TSPEAR: variants seen among roughly 807,000 people sequenced by gnomAD.
TSPEAR encodes thrombospondin type laminin G domain and EAR repeats, also known as thrombospondin-type laminin G domain and EAR repeat-containing protein.
TSPEAR carries 69 observed loss-of-function variants against 71.6 expected under a neutral mutation model. That is an observed-to-expected ratio of 0.96 (90% CI 0.79 to 1.18). The LOEUF (loss-of-function observed/expected upper bound fraction) is 1.18. TSPEAR is among the 50% of genes most tolerant of loss of function. TSPEAR has a pLI of 0.00. For synonymous variants in TSPEAR, 402 were observed against 387.2 expected, an observed-to-expected ratio of 1.04 and a Z score of -0.45; for missense variants, 971 against 894.9, an observed-to-expected ratio of 1.09 and a Z score of -1.09.
chr21:44,604,345 A>C (rs587663813), intron 1 of TSPEAR, among the ~76,000 whole-genome samples: 76 of 152,348 alleles, frequency 5.0e-4, no homozygotes, highest in African/African-American at 1.8e-3. Context: ...AAAACATAAA[A>C]AGAAACGAAT....
At chr21:44,544,937 A>G (rs2053277403) in intron 2 of TSPEAR, among the ~76,000 whole-genome samples, 1 of 152,170 alleles carries the variant, frequency 6.6e-6, no homozygotes, top group Non-Finnish European at 1.5e-5. Context: ...AAAGTATGTG[A>G]AACAAAAATG....
At position 44,621,714 on chromosome 21, in the gene TSPEAR, G is replaced by A. The variant is rs587636878; in HGVS notation, c.83-53709C>T. ...TATTATTTCTCTCCCAGTTGTTTGAGAATATTCAGCAGGGAAAGTATTTGG... is the reference window on the plus strand; with the variant it reads ...TATTATTTCTCTCCCAGTTGTTTGAAAATATTCAGCAGGGAAAGTATTTGG... On this transcript the variant is annotated intron_variant, in intron 1 of 11. Coordinates refer to ENST00000323084, the MANE Select transcript of TSPEAR (RefSeq NM_144991.3). Among the ~76,000 whole-genome samples the A allele has an allele frequency of 1.7e-4, 26 of 152,366 alleles. 1 individual carries two copies. Among genetic ancestry groups the A allele is most frequent in the Admixed American group, 5.2e-4 (8 of 15,310 alleles).
chr21:44,647,728 C>T (rs1394340457), intron 1 of TSPEAR: 1 of 307,598 alleles, frequency 3.3e-6, no homozygotes. Context: ...GACCCACTGT[C>T]TTGTTAAAGG....
In TSPEAR at chr21:44,697,523, G is replaced by A. The variant is rs782630666; in HGVS notation, c.82+13910C>T. ...CTGCCAGCAGGCCTGCTGCGTGCCCGTCTGCTGCAAGACTGTCTGCTGCAA... is the reference window on the plus strand; with the variant it reads ...CTGCCAGCAGGCCTGCTGCGTGCCCATCTGCTGCAAGACTGTCTGCTGCAA... On this transcript the variant is annotated intron_variant, in intron 1 of 11. Coordinates refer to ENST00000323084, the MANE Select transcript of TSPEAR (RefSeq NM_144991.3). 135 of 1,613,210 alleles carry A rather than the reference G, an allele frequency of 8.4e-5. No individual in the cohort carries two copies. Among genetic ancestry groups the A allele is most frequent in the Middle Eastern group, 1.6e-4 (1 of 6,082 alleles).
chr21:44,532,870 T>C (rs1406096641), intron 3 of TSPEAR, among the ~76,000 whole-genome samples: 1 of 152,216 alleles, frequency 6.6e-6, no homozygotes, highest in African/African-American at 2.4e-5. Context: ...GATAATCTTG[T>C]ACTCATTTGG....
In TSPEAR at chr21:44,691,869, A is replaced by G. The variant is rs142543560; in HGVS notation, c.82+19564T>C. Among the ~76,000 whole-genome samples the G allele has an allele frequency of 2.6e-5, 4 of 152,362 alleles. No individual in the cohort carries two copies. In the East Asian group the frequency reaches 7.7e-4, roughly 29 times the overall value. On this transcript the variant is annotated intron_variant, in intron 1 of 11. Transcript: ENST00000323084. ...TTCTAACTCACTCTGTGAAGCAAACATTATGCTGATACCAAACCCACATAA... is the reference window on the plus strand; with the variant it reads ...TTCTAACTCACTCTGTGAAGCAAACGTTATGCTGATACCAAACCCACATAA...
At chr21:44,626,982 C>T in intron 1 of TSPEAR, 1 of 889,808 alleles carries the variant, frequency 1.1e-6, no homozygotes, top group Non-Finnish European at 1.7e-6. Context: ...AGCAAACAAA[C>T]ATCCCTAATC....
At position 44,593,762 on chromosome 21, in the gene TSPEAR, C is replaced by T. The variant is rs1226745522; in HGVS notation, c.83-25757G>A. ...AGCCGCGTGCCCTACACTGAGAGGACGGACTCTGCTCTCACGCCACAGCTG... is the reference window on the plus strand; with the variant it reads ...AGCCGCGTGCCCTACACTGAGAGGATGGACTCTGCTCTCACGCCACAGCTG... On this transcript the variant is annotated intron_variant, in intron 1 of 11. Transcript: ENST00000323084. The surrounding 1 kb of genome is among the most constrained non-coding windows in gnomAD (Gnocchi z 5.9). Among the ~76,000 whole-genome samples, 3 of 152,218 alleles carry T rather than the reference C, an allele frequency of 2.0e-5. No individual in the cohort carries two copies. The highest frequency in any genetic ancestry group is 2.1e-4 in the South Asian group (1 of 4,834).
At chr21:44,708,280 C>G (rs1555952909) in intron 1 of TSPEAR, among the ~76,000 whole-genome samples, 2 of 152,142 alleles carry the variant, frequency 1.3e-5, no homozygotes, top group Non-Finnish European at 2.9e-5. Flanking sequence ...AATGGGCACA[C>G]TTCCTAACTG....
intron 1 of TSPEAR, among the ~76,000 whole-genome samples, chr21:44,628,832 C>T (rs1414137136): frequency 6.6e-6 from 1 of 152,184 alleles, no homozygotes; most frequent in African/African-American, 2.4e-5. Context: ...CCTGTGGACA[C>T]TCACAGACGC....
chr21:44,615,846 T>C (rs782105175), intron 1 of TSPEAR, among the ~76,000 whole-genome samples: 137 of 152,330 alleles, frequency 9.0e-4, no homozygotes, highest in Middle Eastern at 3.4e-3. Context: ...CTCGTCTCAT[T>C]TAACCCAGGA....
intron 1 of TSPEAR, among the ~76,000 whole-genome samples, chr21:44,570,956 T>G (rs180720269): frequency 8.9e-4 from 135 of 152,236 alleles, no homozygotes; most frequent in Non-Finnish European, 1.4e-3. Context: ...GAAAAGATAA[T>G]TGGGAGGTCC....
At chr21:44,640,812 A>G (rs1983980674) in intron 1 of TSPEAR, among the ~76,000 whole-genome samples, 1 of 152,228 alleles carries the variant, frequency 6.6e-6, no homozygotes, top group African/African-American at 2.4e-5. Flanking sequence ...GACCCTAGCA[A>G]AGGGACCATA....
At chr21:44,625,601 T>C (rs1982718906) in intron 1 of TSPEAR, among the ~76,000 whole-genome samples, 1 of 152,238 alleles carries the variant, frequency 6.6e-6, no homozygotes, top group Non-Finnish European at 1.5e-5. Context: ...TCCCCAGCGT[T>C]CCCACATGCA....
At chr21:44,684,360 C>G (rs1190055350) in intron 1 of TSPEAR, among the ~76,000 whole-genome samples, 1 of 152,094 alleles carries the variant, frequency 6.6e-6, no homozygotes, top group Non-Finnish European at 1.5e-5. Flanking sequence ...CAAGCAAGAG[C>G]ACATCTCTAC....
chr21:44,662,407 T>C (rs183076352), intron 1 of TSPEAR, among the ~76,000 whole-genome samples: 1 of 152,302 alleles, frequency 6.6e-6, no homozygotes, highest in East Asian at 1.9e-4. Context: ...TATTACATAA[T>C]GATAAAGCAT....
At chr21:44,697,894 C>T (rs1555950995) in intron 1 of TSPEAR, 30 of 1,602,976 alleles carry the variant, frequency 1.9e-5, no homozygotes, top group Non-Finnish European at 2.4e-5. Flanking sequence ...TGGCCTCCTG[C>T]GGGTCCCTCC....
chr21:44,661,280 T>C (rs1601541659), intron 1 of TSPEAR, among the ~76,000 whole-genome samples: 2 of 33,556 alleles, frequency 6.0e-5, no homozygotes, highest in East Asian at 7.7e-4. Flanking sequence ...AGACTCCGTC[T>C]CAAAAAAAAA....
chr21:44,647,227 T>G, intron 1 of TSPEAR: 1 of 1,606,414 alleles, frequency 6.2e-7, no homozygotes, highest in African/African-American at 1.3e-5. Context: ...CTCCTCCTGC[T>G]GTGCCCCCAC....
Sources: gnomAD v4.1 joint callset for allele counts (sites outside exome capture counted in the v4.1 genomes callset) on GRCh38, gnomAD v4.1.1 for gene constraint, Gnocchi (gnomAD v3.1) non-coding constraint, MANE v1.5 for transcripts, NCBI Gene and HGNC (gene_info 2026-07-23, HGNC 2026-07-21) for gene names.